MASTL: variants seen among roughly 807,000 people sequenced by gnomAD.
MASTL encodes the protein microtubule associated serine/threonine kinase like.
MASTL carries 54 observed loss-of-function variants against 82.5 expected under a neutral mutation model. That is an observed-to-expected ratio of 0.65 (90% CI 0.53 to 0.82). The LOEUF is 0.82. Ranked by LOEUF, MASTL falls within the 40% of genes least tolerant of loss-of-function variation. The probability of loss-of-function intolerance (pLI) is 0.00; values close to 1 mark genes in which losing one functional copy is unlikely to be tolerated. For missense variants in MASTL, 950 were observed against 1,047.8 expected (o/e 0.91, Z 1.29); for synonymous variants, 323 against 368.9 (o/e 0.88, Z 1.43).
At chr10:27,167,905 A>G (rs1181444754) in intron 7 of MASTL, among the ~76,000 whole-genome samples, 1 of 152,216 alleles carries the variant, frequency 6.6e-6, no homozygotes, top group Admixed American at 6.6e-5. Context: ...TGCCAAATGA[A>G]TGGATTTACT....
intron 8 of MASTL, among the ~76,000 whole-genome samples, chr10:27,172,333 C>G (rs1034496513): frequency 1.3e-5 from 2 of 152,112 alleles, no homozygotes; most frequent in Admixed American, 1.3e-4. Context: ...TTCTAAATGT[C>G]TGTAAGGGAT....
At chr10:27,174,359 A>C (rs977815023) in intron 9 of MASTL, among the ~76,000 whole-genome samples, 3 of 152,052 alleles carry the variant, frequency 2.0e-5, no homozygotes, top group African/African-American at 7.2e-5. Flanking sequence ...TGTCTAAAAA[A>C]AAATAAAAAT....
At chr10:27,167,671 T>C (rs891751284) in intron 7 of MASTL, among the ~76,000 whole-genome samples, 2 of 152,258 alleles carry the variant, frequency 1.3e-5, no homozygotes, top group African/African-American at 4.8e-5. Flanking sequence ...TACTGTTTCC[T>C]GTCAGTTTCT....
In MASTL at chr10:27,159,410, A is replaced by G. The variant is rs1229336192; in HGVS notation, c.325-209A>G. Among the ~76,000 whole-genome samples, 1 of 152,180 alleles carries G rather than the reference A, an allele frequency of 6.6e-6. No homozygotes were observed. Among genetic ancestry groups the G allele is most frequent in the Non-Finnish European group, 1.5e-5 (1 of 68,028 alleles). On this transcript the variant is annotated intron_variant, in intron 2 of 11. Transcript: ENST00000375940. This position sits in a 1 kb window ranked among gnomAD's most constrained non-coding sequence, Gnocchi z 4.0. The stretch of plus-strand genomic sequence containing the variant: ...AGTGCTGAGATTATAGGCGTGAGTC[A>G]CTGTGCCCAGCCTAAACAGTTTAAT...
chr10:27,166,052 C>T (rs2136027034), intron 6 of MASTL, among the ~76,000 whole-genome samples: 1 of 151,894 alleles, frequency 6.6e-6, no homozygotes, highest in South Asian at 2.1e-4. Flanking sequence ...ACTAAAAATA[C>T]AAAAATTAGC....
rs181913798 is a variant in MASTL at position 27,173,140 on chromosome 10, C to T, written c.2147C>T (p.Ser716Leu). 63 of 1,614,068 alleles carry T rather than the reference C, an allele frequency of 3.9e-5. 2 individuals carry two copies. Among genetic ancestry groups the T allele is most frequent in the South Asian group, 3.1e-4 (28 of 91,068 alleles). ...TAGCAGACCCCAAATCAGATCAAGT[C>T]GGGAACTCCATACCGAACTCCGAAG... is the stretch of plus-strand genomic sequence containing the variant. Reference protein sequence around the residue: ...PHQQTPNQIKSGTPYRTPKSV... With the variant: ...PHQQTPNQIKLGTPYRTPKSV... Residue 716 changes from serine to leucine, a missense_variant, in exon 9 of 12, where the codon TCG becomes TTG. Ser to Leu is a moderately radical substitution (Grantham distance 145, BLOSUM62 -2). Coordinates refer to ENST00000375940, the MANE Select transcript of MASTL (RefSeq NM_001172303.3).
chr10:27,157,837 G>A (rs2057444434), intron 1 of MASTL, among the ~76,000 whole-genome samples: 1 of 149,844 alleles, frequency 6.7e-6, no homozygotes, highest in Non-Finnish European at 1.5e-5. Context: ...TCCTCTTTCT[G>A]ATTCTATCCC....
chr10:27,155,719 G>A, intron 1 of MASTL, 107 bp downstream of exon 1: 1 of 1,303,042 alleles, frequency 7.7e-7, no homozygotes, highest in South Asian at 1.2e-5. Flanking sequence ...AGTCTGGGTG[G>A]CCTGGCTTGC....
chr10:27,165,070 A>G lies in MASTL; in HGVS notation c.560A>G (p.Asn187Ser). ...LSKVTLNRDI[N>S]MMDILTTPSM... ...CTTTTCTTTGCATACATAGATATTAATATGATGGATATCCTTACAACACCA... is the reference window on the plus strand; with the variant it reads ...CTTTTCTTTGCATACATAGATATTAGTATGATGGATATCCTTACAACACCA... Residue 187 changes from asparagine to serine, a missense_variant, in exon 5 of 12, where the codon AAT becomes AGT. Coordinates refer to ENST00000375940, the MANE Select transcript of MASTL (RefSeq NM_001172303.3). 1 of 1,569,376 alleles carries G rather than the reference A, an allele frequency of 6.4e-7. No individual in the cohort carries two copies. The highest frequency in any genetic ancestry group is 8.8e-7 in the Non-Finnish European group (1 of 1,139,342).
chr10:27,186,090 A>G (rs969085429), intron 11 of MASTL, among the ~76,000 whole-genome samples: 2 of 152,052 alleles, frequency 1.3e-5, no homozygotes, highest in South Asian at 2.1e-4. Flanking sequence ...CCTCGTCTCA[A>G]AAAAAAAGCT....
chr10:27,154,508 C>T (rs557495456), upstream of MASTL: 50 of 516,172 alleles, frequency 9.7e-5, no homozygotes, highest in Admixed American at 1.6e-3. Flanking sequence ...GAGCAGCGCC[C>T]CCAAAGGTCT....
At chr10:27,172,834 T>A (rs1365527448) in intron 8 of MASTL, among the ~76,000 whole-genome samples, 1 of 152,198 alleles carries the variant, frequency 6.6e-6, no homozygotes, top group Non-Finnish European at 1.5e-5. Flanking sequence ...TCTTGCAGAT[T>A]TTTTCACTGA....
chr10:27,165,394 A>T lies in MASTL; in HGVS notation c.666A>T (p.Thr222=). The change falls in exon 6 of 12, where the codon ACA becomes ACT. Residue 222 remains threonine, a synonymous_variant. Transcript: ENST00000375940. ...TATTTTTCTCTTTTTAATAGAACAC[A>T]CCAATTGCAGAAAAAAATCAAGACC... ...LSLISSLGFN[T]PIAEKNQDPA... is the part of the protein sequence containing the mutation. The T allele has an allele frequency of 1.2e-6, 2 of 1,614,084 alleles. No homozygotes were observed. Among genetic ancestry groups the T allele is most frequent in the Non-Finnish European group, 1.7e-6 (2 of 1,180,024 alleles).
chr10:27,170,097 A>G lies in MASTL; in HGVS notation c.1138A>G (p.Thr380Ala). 6.2e-7 allele frequency: 1 copy of G among 1,614,138 alleles called. No homozygotes were observed. The highest frequency in any genetic ancestry group is 8.5e-7 in the Non-Finnish European group (1 of 1,180,014). ...CATTCATAACAGCAGTGCCCTTCCC[A>G]CCACTGGACGCTCTTGTGTAAACCT... ...SPIHNSSALP[T>A]TGRSCVNLAK... The change falls in exon 8 of 12, where the codon ACC becomes GCC. Residue 380 changes from threonine to alanine, a missense_variant. Physicochemically the swap from Thr to Ala is moderately conservative, Grantham distance 58. Coordinates refer to ENST00000375940, the MANE Select transcript of MASTL (RefSeq NM_001172303.3).
At chr10:27,164,730 C>T (rs1183331735) in intron 4 of MASTL, among the ~76,000 whole-genome samples, 1 of 151,936 alleles carries the variant, frequency 6.6e-6, no homozygotes, top group African/African-American at 2.4e-5. Flanking sequence ...CTCCGCCTCC[C>T]GTGTTCAAGT....
chr10:27,185,203 G>A (rs187931712), intron 11 of MASTL, among the ~76,000 whole-genome samples: 197 of 152,272 alleles, frequency 1.3e-3, no homozygotes, highest in Admixed American at 7.4e-3. Context: ...GCTAAGGAGC[G>A]TGGTGATAGA....
chr10:27,183,023 GA>G (rs1236330149), intron 11 of MASTL, among the ~76,000 whole-genome samples: 1 of 151,938 alleles, frequency 6.6e-6, no homozygotes, highest in African/African-American at 2.4e-5. Context: ...CTTTTTTTAT[GA>G]AACCCTCTGT....
At chr10:27,182,654 G>T (rs2058389241) in intron 11 of MASTL, among the ~76,000 whole-genome samples, 1 of 152,048 alleles carries the variant, frequency 6.6e-6, no homozygotes, top group Non-Finnish European at 1.5e-5. Flanking sequence ...TAGGCAGGAA[G>T]ATTACTTGAG....
At chr10:27,179,372 G>A (rs1439987199) in intron 9 of MASTL, among the ~76,000 whole-genome samples, 1 of 152,136 alleles carries the variant, frequency 6.6e-6, no homozygotes, top group African/African-American at 2.4e-5. Flanking sequence ...GGCTAACACA[G>A]TGAAACCCTG....
Sources: gnomAD v4.1 joint callset for allele counts (sites outside exome capture counted in the v4.1 genomes callset) on GRCh38, gnomAD v4.1.1 for gene constraint, Gnocchi (gnomAD v3.1) non-coding constraint, MANE v1.5 for transcripts, NCBI Gene and HGNC (gene_info 2026-07-23, HGNC 2026-07-21) for gene names.